MSH4: variants seen among roughly 807,000 people sequenced by gnomAD.
The protein encoded by MSH4 is mutS homolog 4, also known as mutS protein homolog 4.
MSH4 carries 106 observed loss-of-function variants against 113.7 expected under a neutral mutation model. That is an observed-to-expected ratio of 0.93 (90% CI 0.80 to 1.10). The LOEUF (loss-of-function observed/expected upper bound fraction) is 1.10. Ranked by LOEUF, MSH4 falls within the 50% of genes least tolerant of loss-of-function variation. The pLI, the probability that MSH4 is intolerant of heterozygous loss-of-function variation, is 0.00. For synonymous variants in MSH4, 368 were observed against 380.2 expected, an observed-to-expected ratio of 0.97 and a Z score of 0.37; for missense variants, 1,061 against 1,093.7, an observed-to-expected ratio of 0.97 and a Z score of 0.42.
At position 75,898,011 on chromosome 1, in the gene MSH4, C is replaced by A; in HGVS notation, c.2460C>A (p.Thr820=). Residue 820 remains threonine (T), a synonymous_variant, in exon 18 of 20, where the codon ACC becomes ACA. Transcript: ENST00000263187. ...MHFEVQHVKN[T]SRNKEAILYT... Reference sequence around the variant, plus strand: ...TTGAAGTTCAACATGTAAAGAATACCTCAAGAAATAAAGAAGCAATTTTGT... The same window carrying A: ...TTGAAGTTCAACATGTAAAGAATACATCAAGAAATAAAGAAGCAATTTTGT... 1 of 1,606,332 alleles carries A rather than the reference C, an allele frequency of 6.2e-7. No individual in the cohort carries two copies. Among genetic ancestry groups the A allele is most frequent in the South Asian group, 1.1e-5 (1 of 89,318 alleles).
chr1:75,800,793 A>G (rs1649917607), intron 1 of MSH4, among the ~76,000 whole-genome samples: 1 of 152,222 alleles, frequency 6.6e-6, no homozygotes, highest in Non-Finnish European at 1.5e-5. Context: ...CTAAAGGTTT[A>G]TGCCCAAGAG....
At chr1:75,835,426 C>A (rs1180184253) in intron 7 of MSH4, among the ~76,000 whole-genome samples, 1 of 152,142 alleles carries the variant, frequency 6.6e-6, no homozygotes, top group Non-Finnish European at 1.5e-5. Context: ...TAGTGTAATA[C>A]GTAAGTGCCA....
rs1649997991 is a variant in MSH4 at position 75,803,903 on chromosome 1, G to A, written c.417G>A (p.Val139=). 2.0e-6 allele frequency: 3 copies of A among 1,491,994 alleles called. No individual in the cohort carries two copies. Among genetic ancestry groups the A allele is most frequent in the Non-Finnish European group, 2.7e-6 (3 of 1,120,918 alleles). 92.4% of individuals were successfully genotyped at this position (1,491,994 alleles called of 1,614,324 possible). ...GTTATAAGAGCTGGACACCACAAGT[G>A]GGATATTCAGGTAAAATAAGTGGAA... ...RSGYKSWTPQ[V]GYSASSSSAI... is the part of the protein sequence containing the mutation. Residue 139 remains valine (V), a synonymous_variant, in exon 2 of 20, where the codon GTG becomes GTA. Coordinates refer to ENST00000263187, the MANE Select transcript of MSH4 (RefSeq NM_002440.4).
intron 9 of MSH4, among the ~76,000 whole-genome samples, chr1:75,869,023 G>A (rs1557516468): frequency 6.6e-6 from 1 of 152,324 alleles, no homozygotes; most frequent in East Asian, 1.9e-4. Flanking sequence ...GGCTGGAACA[G>A]TTCGGAGGGC....
At chr1:75,821,025 G>A (rs1196204105) in intron 6 of MSH4, among the ~76,000 whole-genome samples, 3 of 151,868 alleles carry the variant, frequency 2.0e-5, no homozygotes, top group Non-Finnish European at 4.4e-5. Flanking sequence ...GGATATCCAG[G>A]AACTGAACTC....
intron 19 of MSH4, among the ~76,000 whole-genome samples, chr1:75,908,721 T>C (rs1362506618): frequency 3.3e-5 from 5 of 152,186 alleles, no homozygotes; most frequent in Non-Finnish European, 7.4e-5. Flanking sequence ...TGTTGGACTT[T>C]CTAGGTTGTA....
chr1:75,866,684 CAAAAAG>C (rs1165110097), intron 8 of MSH4, among the ~76,000 whole-genome samples: 2 of 151,760 alleles, frequency 1.3e-5, no homozygotes, highest in Admixed American at 6.6e-5. Context: ...CACGGTACCT[CAAAAAG>C]AAACATCTGG....
Position 75,876,943 on chromosome 1 carries a change from TG to T in MSH4, c.1314del (p.Met438IlefsTer9). The T allele has an allele frequency of 6.5e-7, 1 of 1,544,694 alleles. No homozygotes were observed. Among genetic ancestry groups the T allele is most frequent in the Admixed American group, 2.0e-5 (1 of 50,174 alleles). ...LELVDPLKIA[M>X]KNCNTPLLRA... is the part of the protein sequence containing the mutation. ...TATTTTATTCTTTAATAGATTGCTA[TG>T]AAGAACTGTAACACACCTTTATTAA... On this transcript the variant is annotated frameshift_variant, in exon 10 of 20. Transcript: ENST00000263187. LOFTEE classifies it high-confidence loss of function.
rs531105298 is a variant in MSH4, at chr1:75,869,769, C to T, written c.1305+2181C>T. Among the ~76,000 whole-genome samples the T allele has an allele frequency of 2.6e-5, 4 of 152,312 alleles. No individual in the cohort carries two copies. In the South Asian group the frequency reaches 8.3e-4, roughly 32 times the overall value. On this transcript the variant is annotated intron_variant, in intron 9 of 19. Transcript: ENST00000263187. ...GGATGTACGGAAATGCCTGGATGTCCAGGCAGAAGTCTTCTTCAGGGACGG... is the reference window on the plus strand; with the variant it reads ...GGATGTACGGAAATGCCTGGATGTCTAGGCAGAAGTCTTCTTCAGGGACGG...
At chr1:75,874,702 C>T (rs918367025) in intron 9 of MSH4, among the ~76,000 whole-genome samples, 6 of 152,030 alleles carry the variant, frequency 3.9e-5, no homozygotes, top group East Asian at 1.9e-4. Flanking sequence ...TTACTAAAGA[C>T]GTGGTTGTGC....
At chr1:75,830,449 G>A (rs1039065600) in intron 7 of MSH4, among the ~76,000 whole-genome samples, 2 of 152,146 alleles carry the variant, frequency 1.3e-5, no homozygotes, top group Admixed American at 1.3e-4. Flanking sequence ...ACGCCGCAAA[G>A]ATACTCCTCA....
chr1:75,837,840 T>A (rs1650866194), intron 7 of MSH4, among the ~76,000 whole-genome samples: 1 of 152,130 alleles, frequency 6.6e-6, no homozygotes, highest in Non-Finnish European at 1.5e-5. Flanking sequence ...GCTATATACC[T>A]CTTGGATGTA....
intron 7 of MSH4, among the ~76,000 whole-genome samples, chr1:75,836,775 G>A (rs892985739): frequency 3.3e-5 from 5 of 152,094 alleles, no homozygotes; most frequent in African/African-American, 1.2e-4. Context: ...TTCCTTCTGA[G>A]TCTTTTAAAT....
At chr1:75,875,222 G>T (rs116739859) in intron 9 of MSH4, among the ~76,000 whole-genome samples, 4 of 152,100 alleles carry the variant, frequency 2.6e-5, no homozygotes, top group Non-Finnish European at 2.9e-5. Context: ...CAATAATGAG[G>T]CCCCAGCTGT....
At chr1:75,876,281 T>C (rs80065662) in intron 9 of MSH4, among the ~76,000 whole-genome samples, 3,090 of 152,268 alleles carry the variant, frequency 0.02, 54 homozygotes, top group Middle Eastern at 0.048. Context: ...ATGTTTATCT[T>C]TGGACAATAG....
At chr1:75,875,151 C>A (rs1330686746) in intron 9 of MSH4, among the ~76,000 whole-genome samples, 3 of 152,172 alleles carry the variant, frequency 2.0e-5, no homozygotes, top group Non-Finnish European at 4.4e-5. Context: ...GCCTTAGCCC[C>A]TCGAAGTGGT....
intron 4 of MSH4, among the ~76,000 whole-genome samples, chr1:75,814,737 A>T (rs967340849): frequency 7.2e-5 from 11 of 152,174 alleles, no homozygotes; most frequent in African/African-American, 2.7e-4. Context: ...AAAGATTACT[A>T]AAGGCAATAA....
intron 15 of MSH4, 40 bp downstream of exon 15, chr1:75,883,861 C>A (rs1484272163): frequency 1.3e-6 from 2 of 1,542,482 alleles, no homozygotes; most frequent in African/African-American, 1.4e-5. Context: ...GTTTTACACT[C>A]TTTTCAGAAT....
chr1:75,843,006 G>A (rs2100542128), intron 7 of MSH4, among the ~76,000 whole-genome samples: 1 of 152,282 alleles, frequency 6.6e-6, no homozygotes, highest in South Asian at 2.1e-4. Context: ...CTTCTAGATA[G>A]CAGTAATAAA....
Sources: gnomAD v4.1 joint callset for allele counts (sites outside exome capture counted in the v4.1 genomes callset) on GRCh38, gnomAD v4.1.1 for gene constraint, MANE v1.5 for transcripts, NCBI Gene and HGNC (gene_info 2026-07-23, HGNC 2026-07-21) for gene names.